The following ADK variants were observed in gnomAD, a reference collection of about 807,000 sequenced individuals.
ADK encodes N6,N6-dimethyladenosine kinase.
Under a neutral mutation model 44.7 loss-of-function variants are expected in ADK, and 24 were observed. That is an observed-to-expected ratio of 0.54 (90% CI 0.39 to 0.76). The LOEUF is 0.76. Among genes scored for constraint, ADK ranks in the 30% least tolerant of loss-of-function variants. ADK has a pLI of 0.00. For missense variants in ADK, 321 were observed against 425.1 expected (o/e 0.76, Z 2.15); for synonymous variants, 128 against 142.6 (o/e 0.90, Z 0.73).
At chr10:74,185,854 A>G (rs1387527210) in intron 1 of ADK, among the ~76,000 whole-genome samples, 9 of 147,168 alleles carry the variant, frequency 6.1e-5, no homozygotes, top group Admixed American at 2.0e-4. Context: ...AAAAAAAAAA[A>G]AAAAAAAAAA....
Position 74,347,704 on chromosome 10 carries a change from T to G in ADK, c.273+32959T>G, listed in dbSNP as rs2131894180. Among the ~76,000 whole-genome samples, 6 of 152,240 alleles carry G rather than the reference T, an allele frequency of 3.9e-5. No homozygotes were observed. The Middle Eastern group carries it at 0.02, about 518-fold the overall frequency. On this transcript the variant is annotated intron_variant, in intron 4 of 10. Coordinates refer to ENST00000539909, the MANE Select transcript of ADK (RefSeq NM_006721.4). ...TCACTGCCAGCACAACAGTCTGAAATTGACCTTGGACCATTGGGCTTGGTA... is the reference window on the plus strand; with the variant it reads ...TCACTGCCAGCACAACAGTCTGAAAGTGACCTTGGACCATTGGGCTTGGTA...
At chr10:74,565,749 A>AC (rs1850644184) in intron 7 of ADK, among the ~76,000 whole-genome samples, 1 of 151,086 alleles carries the variant, frequency 6.6e-6, no homozygotes, top group African/African-American at 2.4e-5. Context: ...AAAAAAAAAA[A>AC]CCATGAACCT....
chr10:74,160,686 TAG>T (rs1841866269), intron 1 of ADK, among the ~76,000 whole-genome samples: 1 of 148,366 alleles, frequency 6.7e-6, no homozygotes, highest in Admixed American at 6.7e-5. Context: ...TGCATGCAGG[TAG>T]GGGTGTGTGT....
intron 9 of ADK, among the ~76,000 whole-genome samples, chr10:74,627,152 C>T (rs563096636): frequency 1.3e-5 from 2 of 152,034 alleles, no homozygotes; most frequent in South Asian, 2.1e-4. Flanking sequence ...GGAGACTTGG[C>T]TCTCACTACT....
chr10:74,322,839 C>G (rs1177386431), intron 4 of ADK, among the ~76,000 whole-genome samples: 1 of 151,542 alleles, frequency 6.6e-6, no homozygotes, highest in Admixed American at 6.6e-5. Context: ...TTCCTCTTCC[C>G]TCCCCTCTTC....
chr10:74,394,506 G>A (rs1444183630), intron 5 of ADK, among the ~76,000 whole-genome samples, 193 bp downstream of exon 5: 2 of 152,078 alleles, frequency 1.3e-5, no homozygotes, highest in African/African-American at 4.8e-5. Context: ...AATTCATGAG[G>A]CATAATGGAA....
chr10:74,451,946 A>G (rs1006518088), intron 6 of ADK, among the ~76,000 whole-genome samples: 2 of 151,834 alleles, frequency 1.3e-5, no homozygotes, highest in African/African-American at 4.8e-5. Flanking sequence ...CTTGAAAAAC[A>G]GTGGATACAT....
intron 3 of ADK, among the ~76,000 whole-genome samples, chr10:74,302,866 A>T (rs1364392071): frequency 6.6e-6 from 1 of 152,104 alleles, no homozygotes; most frequent in African/African-American, 2.4e-5. Context: ...AAAAAAAACA[A>T]CCCAGGAATA....
chr10:74,293,560 C>T (rs1178749939), intron 3 of ADK, among the ~76,000 whole-genome samples: 1 of 151,948 alleles, frequency 6.6e-6, no homozygotes, highest in Non-Finnish European at 1.5e-5. Flanking sequence ...TTTTAATCTG[C>T]CTTGGGGTAC....
intron 6 of ADK, among the ~76,000 whole-genome samples, chr10:74,501,599 T>C (rs1035927356): frequency 6.6e-6 from 1 of 152,156 alleles, no homozygotes. Flanking sequence ...AAAATTGTTA[T>C]GGAAACAACC....
intron 7 of ADK, among the ~76,000 whole-genome samples, chr10:74,534,546 G>A (rs1849389894): frequency 6.6e-6 from 1 of 152,054 alleles, no homozygotes; most frequent in Admixed American, 6.6e-5. Context: ...ACCTACCATT[G>A]AATAATGCTT....
chr10:74,675,734 T>C (rs1308595325), intron 10 of ADK, among the ~76,000 whole-genome samples: 1 of 152,210 alleles, frequency 6.6e-6, no homozygotes, highest in East Asian at 1.9e-4. Context: ...TGACAGGCAC[T>C]GTCATTGTTC....
chr10:74,323,605 C>T (rs1378673817), intron 4 of ADK, among the ~76,000 whole-genome samples: 1 of 150,886 alleles, frequency 6.6e-6, no homozygotes, highest in Non-Finnish European at 1.5e-5. Context: ...GAGTCTCGCA[C>T]TGTCGTCCAG....
chr10:74,462,894 C>T (rs1846219752), intron 6 of ADK, among the ~76,000 whole-genome samples: 1 of 152,028 alleles, frequency 6.6e-6, no homozygotes, highest in African/African-American at 2.4e-5. Context: ...ATAAAGATGA[C>T]TCTCATATAA....
intron 9 of ADK, among the ~76,000 whole-genome samples, chr10:74,639,142 T>A (rs1299220789): frequency 6.6e-6 from 1 of 152,210 alleles, no homozygotes; most frequent in African/African-American, 2.4e-5. Flanking sequence ...TTCTATAGGT[T>A]GAACCTGGAT....
intron 2 of ADK, among the ~76,000 whole-genome samples, chr10:74,203,209 C>A (rs1843460370): frequency 6.6e-6 from 1 of 152,166 alleles, no homozygotes; most frequent in South Asian, 2.1e-4. Flanking sequence ...AGAGACTATT[C>A]TTTTCCCCAC....
At chr10:74,356,066 C>T (rs898152728) in intron 4 of ADK, among the ~76,000 whole-genome samples, 9 of 131,846 alleles carry the variant, frequency 6.8e-5, no homozygotes, top group Non-Finnish European at 1.1e-4. Context: ...GGCCGGACTG[C>T]GGACTGCAGT....
chr10:74,215,846 C>T (rs1018519459), intron 2 of ADK, among the ~76,000 whole-genome samples: 21 of 150,656 alleles, frequency 1.4e-4, no homozygotes, highest in East Asian at 5.9e-4. Flanking sequence ...TTAGTAGAGA[C>T]GGGGTTTCAC....
chr10:74,529,843 G>A (rs1189518049), intron 7 of ADK, among the ~76,000 whole-genome samples: 1 of 152,118 alleles, frequency 6.6e-6, no homozygotes, highest in African/African-American at 2.4e-5. Flanking sequence ...ATAAAGATTG[G>A]CTATAAGACA....
Sources: gnomAD v4.1 joint callset for allele counts (sites outside exome capture counted in the v4.1 genomes callset) on GRCh38, gnomAD v4.1.1 for gene constraint, MANE v1.5 for transcripts, NCBI Gene and HGNC (gene_info 2026-07-23, HGNC 2026-07-21) for gene names.